The following CA10 variants were observed in gnomAD, a reference collection of about 807,000 sequenced individuals.
The protein encoded by CA10 is carbonic anhydrase 10 (inactive).
In CA10, 14 loss-of-function variants were observed where a neutral mutation model predicts 44.2. The observed-to-expected ratio is 0.32, with a 90% CI of 0.21 to 0.50. The LOEUF (loss-of-function observed/expected upper bound fraction) is 0.50. Ranked by LOEUF, CA10 falls within the 20% of genes least tolerant of loss-of-function variation. The pLI is 0.99. For synonymous variants in CA10, 159 were observed against 141.6 expected (o/e 1.12, Z -0.87); for missense variants, 350 against 409.7 (o/e 0.85, Z 1.26).
chr17:51,737,332 A>G (rs936125511), intron 4 of CA10, among the ~76,000 whole-genome samples: 4 of 152,248 alleles, frequency 2.6e-5, no homozygotes, highest in African/African-American at 9.6e-5. Flanking sequence ...TGCTCAATAA[A>G]TTACAGCTGA....
chr17:52,067,047 G>C (rs1293648703), intron 2 of CA10, among the ~76,000 whole-genome samples: 1 of 152,228 alleles, frequency 6.6e-6, no homozygotes, highest in Non-Finnish European at 1.5e-5. Flanking sequence ...CCCATTTTCT[G>C]AGGAGAAATT....
intron 1 of CA10, chr17:52,135,012 C>G (rs762716507): frequency 1.9e-6 from 1 of 517,482 alleles, no homozygotes; most frequent in Admixed American, 1.9e-5. Context: ...CCAACCCAGA[C>G]TGCCACCAGA....
At chr17:52,144,128 T>A (rs1332115247) in intron 1 of CA10, among the ~76,000 whole-genome samples, 1 of 151,502 alleles carries the variant, frequency 6.6e-6, no homozygotes, top group Non-Finnish European at 1.5e-5. Context: ...AAAACATGGG[T>A]AAGGTTACCA....
chr17:52,082,048 C>T (rs1425112598), intron 1 of CA10, among the ~76,000 whole-genome samples: 1 of 152,082 alleles, frequency 6.6e-6, no homozygotes, highest in African/African-American at 2.4e-5. Flanking sequence ...ACTTCTCTCT[C>T]CCTGACTAAA....
At chr17:51,753,413 T>TC (rs1904959428) in intron 3 of CA10, among the ~76,000 whole-genome samples, 1 of 152,242 alleles carries the variant, frequency 6.6e-6, no homozygotes, top group African/African-American at 2.4e-5. Flanking sequence ...AATGGGGTCA[T>TC]CTTTTTTCAT....
At position 51,992,474 on chromosome 17, in the gene CA10, C is replaced by T. The variant is rs972370459; in HGVS notation, c.137-61342G>A. ...CCCAGTTCCTGATATATAGGAAGTA[C>T]ACAAAACTTGTAAAGTAAATACATG... On this transcript the variant is annotated intron_variant, in intron 2 of 8. Transcript: ENST00000451037. Among the ~76,000 whole-genome samples, 6 of 152,190 alleles carry T rather than the reference C, an allele frequency of 3.9e-5. No individual in the cohort carries two copies. The South Asian group carries it at 1.2e-3, about 32-fold the overall frequency.
At chr17:52,084,031 T>C (rs1988052359) in intron 1 of CA10, among the ~76,000 whole-genome samples, 1 of 152,098 alleles carries the variant, frequency 6.6e-6, no homozygotes, top group South Asian at 2.1e-4. Flanking sequence ...CCTCCCTGAC[T>C]GAAAAAAGAC....
intron 4 of CA10, among the ~76,000 whole-genome samples, chr17:51,683,953 GAATA>G (rs1914927462): frequency 6.6e-6 from 1 of 152,180 alleles, no homozygotes; most frequent in African/African-American, 2.4e-5. Flanking sequence ...GCGGCAGGCT[GAATA>G]AATAGGTCTT....
intron 3 of CA10, among the ~76,000 whole-genome samples, chr17:51,822,336 C>T (rs528780371): frequency 3.5e-4 from 53 of 152,024 alleles, no homozygotes; most frequent in African/African-American, 1.1e-3. Context: ...GAGAATAGCT[C>T]GAACTGGGAG....
Position 51,649,277 on chromosome 17 carries a change from A to G in CA10, c.562-23T>C, listed in dbSNP as rs777989026. The G allele has an allele frequency of 3.9e-6, 6 of 1,531,606 alleles. No homozygotes were observed. In the South Asian group the frequency reaches 6.7e-5, roughly 17 times the overall value. 94.9% of individuals were successfully genotyped at this position (1,531,606 alleles called of 1,614,324 possible). The stretch of plus-strand genomic sequence containing the variant: ...AACCTGGAGGAGAAAAGAAAATATT[A>G]ATGACTGGGCATCACTCTTGCAGGA... On this transcript the variant is annotated intron_variant, in intron 5 of 8. Coordinates refer to ENST00000451037, the MANE Select transcript of CA10 (RefSeq NM_020178.5).
chr17:51,858,507 C>T (rs552824872), intron 3 of CA10, among the ~76,000 whole-genome samples: 1 of 152,284 alleles, frequency 6.6e-6, no homozygotes, highest in South Asian at 2.1e-4. Flanking sequence ...TTAGTCATTT[C>T]ATTATACACA....
chr17:51,931,449 A>G (rs897151324), intron 2 of CA10, among the ~76,000 whole-genome samples: 1 of 152,170 alleles, frequency 6.6e-6, no homozygotes, highest in African/African-American at 2.4e-5. Flanking sequence ...TCTTTGCAAT[A>G]TGCCTGGGGT....
intron 1 of CA10, among the ~76,000 whole-genome samples, chr17:52,125,988 TGCTAG>T (rs1989110063): frequency 6.6e-6 from 1 of 152,194 alleles, no homozygotes; most frequent in Admixed American, 6.5e-5. Flanking sequence ...TCTACCTAAG[TGCTAG>T]GTACTATTCT....
intron 2 of CA10, among the ~76,000 whole-genome samples, chr17:52,011,094 C>T (rs1985780065): frequency 6.6e-6 from 1 of 151,796 alleles, no homozygotes; most frequent in South Asian, 2.1e-4. Flanking sequence ...ACTTTCTATG[C>T]CTAAAAACTG....
intron 2 of CA10, among the ~76,000 whole-genome samples, chr17:52,065,252 C>A (rs1987501990): frequency 6.6e-6 from 1 of 152,228 alleles, no homozygotes; most frequent in Non-Finnish European, 1.5e-5. Flanking sequence ...ACTATTTCTA[C>A]TAGGCTTTTT....
intron 2 of CA10, among the ~76,000 whole-genome samples, chr17:51,973,314 C>A (rs778650606): frequency 6.6e-6 from 1 of 152,156 alleles, no homozygotes; most frequent in Non-Finnish European, 1.5e-5. Flanking sequence ...GCATTCTCAG[C>A]TGGATGAAGG....
rs1012771586 is a variant in CA10 at position 51,785,943 on chromosome 17, A to G, written c.280-38125T>C. Among the ~76,000 whole-genome samples the G allele has an allele frequency of 9.2e-5, 14 of 152,306 alleles. No individual in the cohort carries two copies. In the East Asian group the frequency reaches 1.5e-3, roughly 17 times the overall value. ...GGAGTCTTCCAATCCATGAACATGG[A>G]ATATCTTTCCACTTTCCATTTTTTT... On this transcript the variant is annotated intron_variant, in intron 3 of 8. Transcript: ENST00000451037.
chr17:51,929,963 CAA>C (rs1982586024), intron 3 of CA10, among the ~76,000 whole-genome samples: 2 of 152,100 alleles, frequency 1.3e-5, no homozygotes, highest in African/African-American at 2.4e-5. Flanking sequence ...TGACCTGAGT[CAA>C]AGTCACTTAC....
chr17:51,871,063 T>TAC (rs1979785267), intron 3 of CA10, among the ~76,000 whole-genome samples: 1 of 104,006 alleles, frequency 9.6e-6, no homozygotes, highest in East Asian at 2.2e-4. Flanking sequence ...TTTTTTTTTT[T>TAC]TTTTTTTTTT....
Sources: allele counts gnomAD v4.1 joint callset (sites outside exome capture counted in the v4.1 genomes callset), GRCh38; gene constraint gnomAD v4.1.1; transcripts MANE v1.5; gene names NCBI Gene and HGNC (gene_info 2026-07-23, HGNC 2026-07-21).